The following MSI1 variants were observed in gnomAD, a reference collection of about 807,000 sequenced individuals.
The protein encoded by MSI1 is musashi RNA binding protein 1.
In MSI1, 15 loss-of-function variants were observed where a neutral mutation model predicts 54.4. The ratio of observed to expected loss-of-function variants is 0.28; its 90% CI spans 0.18 to 0.42. The LOEUF (loss-of-function observed/expected upper bound fraction) is 0.42. Ranked by LOEUF, MSI1 falls within the 20% of genes least tolerant of loss-of-function variation. The pLI is 1.00. For missense variants in MSI1, 304 were observed against 506.0 expected (o/e 0.60, Z 3.83); for synonymous variants, 200 against 196.5 (o/e 1.02, Z -0.15).
chr12:120,353,395 G>A lies in MSI1; in HGVS notation c.653-16C>T, dbSNP rs1166741570. ...CCTGGGTAACCTGATGGGGCAAGGG[G>A]GCAGTGTCAGATGGCTCATCCACAG... is the stretch of plus-strand genomic sequence containing the variant. On this transcript the variant is annotated splice_polypyrimidine_tract_variant and intron_variant, in intron 9 of 14. Coordinates refer to ENST00000257552, the MANE Select transcript of MSI1 (RefSeq NM_002442.4). The A allele has an allele frequency of 6.2e-7, 1 of 1,613,176 alleles. No individual in the cohort carries two copies. Among genetic ancestry groups the A allele is most frequent in the Admixed American group, 1.7e-5 (1 of 60,000 alleles).
At chr12:120,364,295 G>A (rs553052007) in intron 5 of MSI1, among the ~76,000 whole-genome samples, 1 of 152,232 alleles carries the variant, frequency 6.6e-6, no homozygotes, top group Non-Finnish European at 1.5e-5. Context: ...GTGACTGGGG[G>A]GATCCAAGGG....
At chr12:120,361,167 G>A (rs1428176105) in intron 6 of MSI1, among the ~76,000 whole-genome samples, 2 of 152,036 alleles carry the variant, frequency 1.3e-5, no homozygotes, top group Admixed American at 6.6e-5. Context: ...TGTCATTTAG[G>A]GCCATGACCA....
chr12:120,353,319 C>T lies in MSI1; in HGVS notation c.713G>A (p.Gly238Asp). 6.2e-7 allele frequency: 1 copy of T among 1,614,022 alleles called. No individual in the cohort carries two copies. The highest frequency in any genetic ancestry group is 8.5e-7 in the Non-Finnish European group (1 of 1,179,988). The change falls in exon 10 of 15, where the codon GGC becomes GAC. Residue 238 changes from glycine (G) to aspartate (D), a missense_variant. Transcript: ENST00000257552. ...ASRSYTGLAPGYTYQFPEFRV... is the reference protein window; with the variant it reads ...ASRSYTGLAPDYTYQFPEFRV... The stretch of plus-strand genomic sequence containing the variant: ...CTTACCGGGGAACTGGTAGGTGTAG[C>T]CAGGGGCGAGGCCTGTATAACTCCG...
intron 8 of MSI1, 62 bp from the exon 9 acceptor site, chr12:120,357,081 C>T: frequency 1.4e-6 from 2 of 1,394,174 alleles, no homozygotes; most frequent in African/African-American, 1.4e-5. Context: ...CCTCTTGTTC[C>T]CTGGAAAGCC....
chr12:120,367,018 C>T (rs1565895257), intron 4 of MSI1, among the ~76,000 whole-genome samples: 2 of 152,166 alleles, frequency 1.3e-5, no homozygotes, highest in African/African-American at 2.4e-5. Context: ...CTTTCAGAGC[C>T]GGCAAAGTTG....
At chr12:120,354,061 T>C (rs1271233198) in intron 9 of MSI1, among the ~76,000 whole-genome samples, 2 of 152,072 alleles carry the variant, frequency 1.3e-5, no homozygotes, top group African/African-American at 4.8e-5. Context: ...TGTAGGTCAC[T>C]GCAGCCTCAA....
chr12:120,365,278 T>C (rs1237749778), intron 4 of MSI1, among the ~76,000 whole-genome samples: 1 of 152,156 alleles, frequency 6.6e-6, no homozygotes, highest in Non-Finnish European at 1.5e-5. Context: ...TTCCCAGCTG[T>C]GAGACCATGG....
chr12:120,346,072 C>T (rs1874091711), intron 13 of MSI1, 63 bp downstream of exon 13: 6 of 1,380,960 alleles, frequency 4.3e-6, no homozygotes, highest in Non-Finnish European at 5.7e-6. Context: ...TCTCCCTTCC[C>T]CAACTTGGGG....
chr12:120,352,309 G>T (rs1179438), intron 10 of MSI1, among the ~76,000 whole-genome samples: 109,005 of 151,956 alleles, frequency 0.72, 39,288 homozygotes, highest in South Asian at 0.79. Context: ...GTCCAGGCTC[G>T]GGTGTCTCTA....
chr12:120,356,765 C>A, intron 9 of MSI1, 137 bp downstream of exon 9: 3 of 789,116 alleles, frequency 3.8e-6, no homozygotes, highest in Non-Finnish European at 6.2e-6. Context: ...CCCGACAGAT[C>A]CCTTGTCCCC....
chr12:120,348,070 T>C (rs563761754), intron 11 of MSI1, among the ~76,000 whole-genome samples: 1 of 152,082 alleles, frequency 6.6e-6, no homozygotes, highest in African/African-American at 2.4e-5. Context: ...CTGCTGCCTG[T>C]CCTGCTCCCC....
At chr12:120,341,009 C>T (rs1389299004), downstream of MSI1, among the ~76,000 whole-genome samples, 3 of 151,942 alleles carry the variant, frequency 2.0e-5, no homozygotes, top group Middle Eastern at 3.4e-3. Flanking sequence ...CCTCAGCCTC[C>T]TGAGTAGCTG....
At position 120,351,261 on chromosome 12, in the gene MSI1, C is replaced by A. The variant is rs1462579645; in HGVS notation, c.790+83G>T. 6.1e-6 allele frequency: 8 copies of A among 1,311,392 alleles called. No homozygotes were observed. In the East Asian group the frequency reaches 2.0e-4, roughly 32 times the overall value. The allele number at this position is 1,311,392 out of a possible 1,614,324, so 81.2% of individuals were successfully genotyped here. On this transcript the variant is annotated intron_variant, in intron 11 of 14. Transcript: ENST00000257552. ...TGGCGGGCAGGAGAAAAGGATCCCG[C>A]TAGCTTTCCCCAGGAAACTCCCTGG...
chr12:120,353,191 C>T, intron 10 of MSI1, 108 bp downstream of exon 10: 1 of 1,085,572 alleles, frequency 9.2e-7, no homozygotes. Flanking sequence ...TTCCAAGCCT[C>T]CAGCAAGCAG....
chr12:120,364,049 T>C (rs927708497), intron 5 of MSI1, among the ~76,000 whole-genome samples: 2 of 152,242 alleles, frequency 1.3e-5, no homozygotes, highest in African/African-American at 4.8e-5. Context: ...AAGGAAGACC[T>C]GGCTAGTTGC....
intron 12 of MSI1, among the ~76,000 whole-genome samples, chr12:120,347,016 C>G (rs1339103857): frequency 6.6e-6 from 1 of 151,916 alleles, no homozygotes; most frequent in African/African-American, 2.4e-5. Context: ...GTGACGTGAT[C>G]TCAGCTCACT....
At chr12:120,339,877 C>T (rs1873609742), downstream of MSI1, among the ~76,000 whole-genome samples, 1 of 151,556 alleles carries the variant, frequency 6.6e-6, no homozygotes, top group Non-Finnish European at 1.5e-5. Context: ...CTCCCTGGCT[C>T]AAGAAATCCT....
At chr12:120,354,226 T>A (rs757781725) in intron 9 of MSI1, among the ~76,000 whole-genome samples, 8 of 152,060 alleles carry the variant, frequency 5.3e-5, no homozygotes, top group Non-Finnish European at 1.0e-4. Context: ...CCTCAAGTGA[T>A]CCTCCTGCCT....
Position 120,346,277 on chromosome 12 carries a change from C to T in MSI1, c.905G>A (p.Ser302Asn), listed in dbSNP as rs1314404635. The T allele has an allele frequency of 1.3e-6, 2 of 1,587,354 alleles. No individual in the cohort carries two copies. Among genetic ancestry groups the T allele is most frequent in the Non-Finnish European group, 1.7e-6 (2 of 1,168,034 alleles). ...GGTCCCCAGGAAGCCCCCTGTGCGGCTGGGAGTCGAACCTGGAGGGGGAGC... is the reference window on the plus strand; with the variant it reads ...GGTCCCCAGGAAGCCCCCTGTGCGGTTGGGAGTCGAACCTGGAGGGGGAGC... ...TMAPPPGSTP[S>N]RTGGFLGTTS... Residue 302 changes from serine to asparagine, a missense_variant, in exon 13 of 15, where the codon AGC becomes AAC. Ser to Asn is a conservative substitution (Grantham distance 46). Coordinates refer to ENST00000257552, the MANE Select transcript of MSI1 (RefSeq NM_002442.4).
Sources: allele counts gnomAD v4.1 joint callset (sites outside exome capture counted in the v4.1 genomes callset), GRCh38; gene constraint gnomAD v4.1.1; transcripts MANE v1.5; gene names NCBI Gene and HGNC (gene_info 2026-07-23, HGNC 2026-07-21).